Variants in ZNF385D observed in about 807,000 individuals in gnomAD.
ZNF385D encodes zinc finger protein 659.
ZNF385D carries 15 observed loss-of-function variants against 35.8 expected under a neutral mutation model. The observed-to-expected ratio is 0.42, with a 90% CI of 0.28 to 0.64. The LOEUF is 0.64. Ranked by LOEUF, ZNF385D falls within the 30% of genes least tolerant of loss-of-function variation. ZNF385D has a pLI of 0.23. For synonymous variants in ZNF385D, 212 were observed against 186.8 expected, an observed-to-expected ratio of 1.13 and a Z score of -1.10; for missense variants, 474 against 494.6, an observed-to-expected ratio of 0.96 and a Z score of 0.39.
At chr3:21,665,389 T>C (rs1236884770) in intron 1 of ZNF385D, among the ~76,000 whole-genome samples, 1 of 152,140 alleles carries the variant, frequency 6.6e-6, no homozygotes, top group East Asian at 1.9e-4. Flanking sequence ...CACCCATCCC[T>C]CTTTGAAAAC....
intron 3 of ZNF385D, among the ~76,000 whole-genome samples, chr3:21,829,297 G>C (rs1297730157): frequency 6.6e-6 from 1 of 152,128 alleles, no homozygotes; most frequent in South Asian, 2.1e-4. Flanking sequence ...GCCAGAAAAA[G>C]TCTCTGAGAT....
intron 1 of ZNF385D, among the ~76,000 whole-genome samples, chr3:21,685,826 T>C (rs554083813): frequency 5.8e-4 from 88 of 152,320 alleles, no homozygotes; most frequent in Non-Finnish European, 1.1e-3. Context: ...ATTAGCTACC[T>C]TGAGGTTTTG....
intron 1 of ZNF385D, among the ~76,000 whole-genome samples, chr3:21,713,744 T>C (rs2068205779): frequency 6.6e-6 from 1 of 152,226 alleles, no homozygotes; most frequent in South Asian, 2.1e-4. Context: ...AATCTTGTCT[T>C]CTACCCTACC....
intron 3 of ZNF385D, among the ~76,000 whole-genome samples, chr3:22,156,436 G>A (rs766900685): frequency 6.6e-6 from 1 of 152,064 alleles, no homozygotes; most frequent in Non-Finnish European, 1.5e-5. Flanking sequence ...TAACTGCAAT[G>A]CTCAGGATTG....
intron 1 of ZNF385D, among the ~76,000 whole-genome samples, chr3:21,709,644 A>G (rs1159590868): frequency 6.6e-6 from 1 of 152,234 alleles, no homozygotes; most frequent in Non-Finnish European, 1.5e-5. Context: ...AGAGAAAAAC[A>G]TCACATACTA....
At chr3:21,422,942 T>C (rs1327098882) in intron 7 of ZNF385D, among the ~76,000 whole-genome samples, 1 of 152,132 alleles carries the variant, frequency 6.6e-6, no homozygotes, top group Non-Finnish European at 1.5e-5. Flanking sequence ...CAAGGTGTCC[T>C]CTCTCACCAC....
chr3:22,285,726 C>G (rs1217141191), intron 2 of ZNF385D, among the ~76,000 whole-genome samples: 1 of 151,972 alleles, frequency 6.6e-6, no homozygotes, highest in South Asian at 2.1e-4. Flanking sequence ...TGTTCCCCTT[C>G]CCTAGTAGGA....
chr3:22,267,995 A>T lies in ZNF385D; in HGVS notation c.107-98960T>A, dbSNP rs1347447581. 2.0e-5 allele frequency among the ~76,000 whole-genome samples: 3 copies of T among 152,020 alleles called. No individual in the cohort carries two copies. The East Asian group carries it at 5.8e-4, about 29-fold the overall frequency. ...AAGTCATAGCATTCTAATAACTGAA[A>T]GAAAGCAAATATTCTTTCTTTCCTT... On this transcript the variant is annotated intron_variant, in intron 2 of 5. Transcript: ENST00000494108.
intron 2 of ZNF385D, among the ~76,000 whole-genome samples, chr3:21,605,899 T>C (rs6795098): frequency 0.027 from 4,144 of 152,264 alleles, 190 homozygotes; most frequent in African/African-American, 0.095. Context: ...TCCATTTGAT[T>C]AATCAAATGC....
intron 3 of ZNF385D, among the ~76,000 whole-genome samples, chr3:21,914,595 C>A (rs1700111091): frequency 6.6e-6 from 1 of 151,826 alleles, no homozygotes; most frequent in South Asian, 2.1e-4. Flanking sequence ...ATGAACATTT[C>A]TAGAAACAGG....
At chr3:22,186,237 A>G (rs181975140) in intron 2 of ZNF385D, among the ~76,000 whole-genome samples, 88 of 152,226 alleles carry the variant, frequency 5.8e-4, no homozygotes, top group African/African-American at 2.0e-3. Flanking sequence ...AATGTATCAG[A>G]AAAAAAATCT....
intron 2 of ZNF385D, among the ~76,000 whole-genome samples, chr3:22,262,384 G>A (rs1232391499): frequency 6.6e-6 from 1 of 151,954 alleles, no homozygotes; most frequent in African/African-American, 2.4e-5. Context: ...TGGCTTTGGA[G>A]GAAGTTGATG....
At chr3:22,101,699 A>T (rs57970694) in intron 3 of ZNF385D, among the ~76,000 whole-genome samples, 25,102 of 151,822 alleles carry the variant, frequency 0.17, 2,755 homozygotes, top group African/African-American at 0.32. Flanking sequence ...AAACCTCGGA[A>T]AGGATTCTCT....
chr3:21,920,817 C>T (rs1300328579), intron 3 of ZNF385D, among the ~76,000 whole-genome samples: 1 of 152,102 alleles, frequency 6.6e-6, no homozygotes, highest in Non-Finnish European at 1.5e-5. Flanking sequence ...TGACAACAAT[C>T]TTGCAGACTG....
At chr3:21,790,130 G>A (rs2071866943) in intron 3 of ZNF385D, among the ~76,000 whole-genome samples, 1 of 151,808 alleles carries the variant, frequency 6.6e-6, no homozygotes, top group Non-Finnish European at 1.5e-5. Flanking sequence ...GACTTTGGGA[G>A]GACATGTATT....
rs1243770128 is a variant in ZNF385D, at chr3:21,564,644, C to T, written c.206G>A (p.Gly69Glu). ...IQKAVINHTFGVPLPHRRKQI... is the reference protein window; with the variant it reads ...IQKAVINHTFEVPLPHRRKQI... ...CTTTCTTCGGTGGGGAAGAGGAACC[C>T]CGAATGTATGGTTTATTACAGCTTT... The change falls in exon 3 of 8, where the codon GGG becomes GAG. Residue 69 changes from glycine (G) to glutamate (E), a missense_variant. Coordinates refer to ENST00000281523, the MANE Select transcript of ZNF385D (RefSeq NM_024697.3). 2 of 1,584,730 alleles carry T rather than the reference C, an allele frequency of 1.3e-6. No homozygotes were observed. Among genetic ancestry groups the T allele is most frequent in the Non-Finnish European group, 1.7e-6 (2 of 1,165,238 alleles).
Position 21,435,255 on chromosome 3 carries a change from A to ATTTTTTT in ZNF385D, c.673+1708_673+1714dup, listed in dbSNP as rs3064965. On this transcript the variant is annotated intron_variant, in intron 5 of 7. Transcript: ENST00000281523. ...AAGAATTCAAGAAGAACAACTCCCA[A>ATTTTTTT]TTTTTTTTTTTTTTTTTTTTTTGAG... Among the ~76,000 whole-genome samples the ATTTTTTT allele has an allele frequency of 1.4e-4, 16 of 113,410 alleles. 1 individual carries two copies. The highest frequency in any genetic ancestry group is 7.4e-4 in the Admixed American group (7 of 9,456). The allele number at this position is 113,410 out of a possible 152,430, so 74.4% of individuals were successfully genotyped here.
intron 2 of ZNF385D, among the ~76,000 whole-genome samples, chr3:22,369,232 G>A (rs992754738): frequency 6.6e-6 from 1 of 152,084 alleles, no homozygotes; most frequent in African/African-American, 2.4e-5. Context: ...CAGAGATCTG[G>A]TTGTTCAAAT....
intron 2 of ZNF385D, among the ~76,000 whole-genome samples, chr3:22,258,150 C>A (rs1343684201): frequency 2.6e-5 from 4 of 151,626 alleles, no homozygotes; most frequent in South Asian, 2.1e-4. Flanking sequence ...AGAACAGATT[C>A]CACTTTTAGT....
Sources: allele counts gnomAD v4.1 joint callset (sites outside exome capture counted in the v4.1 genomes callset), GRCh38; gene constraint gnomAD v4.1.1; transcripts MANE v1.5; gene names NCBI Gene and HGNC (gene_info 2026-07-23, HGNC 2026-07-21).